Variants in SGF29 observed in about 807,000 individuals in gnomAD.
The protein encoded by SGF29 is SAGA-associated factor 29.
A neutral mutation model predicts 38.1 loss-of-function variants in SGF29; 15 were observed. That is an observed-to-expected ratio of 0.39 (90% CI 0.26 to 0.61). The LOEUF (loss-of-function observed/expected upper bound fraction) is 0.61. Among genes scored for constraint, SGF29 ranks in the 20% least tolerant of loss-of-function variants. The probability of loss-of-function intolerance (pLI) is 0.49; values close to 1 mark genes in which losing one functional copy is unlikely to be tolerated. For synonymous variants in SGF29, 151 were observed against 160.8 expected (o/e 0.94, Z 0.46); for missense variants, 184 against 394.6 (o/e 0.47, Z 4.52).
intron 2 of SGF29, among the ~76,000 whole-genome samples, chr16:28,583,021 C>T (rs992255310): frequency 6.6e-6 from 1 of 152,226 alleles, no homozygotes; most frequent in African/African-American, 2.4e-5. Context: ...TATCATCATC[C>T]CATACAACCA....
At chr16:28,576,688 A>G (rs1420885976) in intron 1 of SGF29, among the ~76,000 whole-genome samples, 2 of 152,182 alleles carry the variant, frequency 1.3e-5, no homozygotes, top group East Asian at 3.8e-4. Context: ...CAACAAGGCT[A>G]GAATCTGTCC....
In SGF29 at chr16:28,585,211, G is replaced by A. The variant is rs1394588173; in HGVS notation, c.151+223G>A. The A allele has an allele frequency of 5.5e-6, 3 of 549,940 alleles. No individual in the cohort carries two copies. In the Admixed American group the frequency reaches 1.0e-4, roughly 18 times the overall value. 34.1% of individuals were successfully genotyped at this position (549,940 alleles called of 1,614,324 possible). A position where few individuals can be genotyped will look rare whatever the true frequency, so the allele number is the denominator to read the frequency against. ...AGGCAGTGAAATGAGGCTGTATCTA[G>A]GGAAGCTTGCCCTTAGAGCACACAA... is the stretch of plus-strand genomic sequence containing the variant. On this transcript the variant is annotated intron_variant, in intron 3 of 9. Transcript: ENST00000317058.
chr16:28,584,863 A>G, intron 2 of SGF29, 50 bp from the exon 3 acceptor site: 1 of 1,396,028 alleles, frequency 7.2e-7, no homozygotes, highest in South Asian at 1.2e-5. Context: ...GCAGGGTACC[A>G]CAGCAGCACA....
intron 1 of SGF29, among the ~76,000 whole-genome samples, chr16:28,566,188 G>A (rs1402138803): frequency 1.3e-5 from 2 of 151,668 alleles, no homozygotes; most frequent in African/African-American, 4.8e-5. Flanking sequence ...GTGGGAGAAT[G>A]GCATGAACCC....
At chr16:28,587,063 C>G (rs1430017499) in intron 4 of SGF29, among the ~76,000 whole-genome samples, 1 of 152,154 alleles carries the variant, frequency 6.6e-6, no homozygotes, top group African/African-American at 2.4e-5. Context: ...CCAGGCTGGT[C>G]TTGAACTCCT....
At chr16:28,564,666 C>CAT (rs67540615) in intron 1 of SGF29, among the ~76,000 whole-genome samples, 2 of 61,610 alleles carry the variant, frequency 3.2e-5, no homozygotes, top group Admixed American at 2.2e-4. Flanking sequence ...TATATATATG[C>CAT]ATATATATGT....
At chr16:28,557,067 A>G (rs1320736276) in intron 1 of SGF29, among the ~76,000 whole-genome samples, 3 of 152,172 alleles carry the variant, frequency 2.0e-5, no homozygotes, top group Non-Finnish European at 2.9e-5. Flanking sequence ...TGTGGGATTA[A>G]TCTTAGAGTG....
At chr16:28,555,390 C>A (rs996325617) in intron 1 of SGF29, among the ~76,000 whole-genome samples, 1 of 152,074 alleles carries the variant, frequency 6.6e-6, no homozygotes, top group Admixed American at 6.6e-5. Flanking sequence ...GCACAATAAT[C>A]ACTTAAACCC....
intron 1 of SGF29, among the ~76,000 whole-genome samples, chr16:28,561,899 CAGA>C (rs1296975184): frequency 3.3e-5 from 5 of 152,180 alleles, no homozygotes; most frequent in African/African-American, 9.7e-5. Context: ...CATTTGTTCT[CAGA>C]AGGTCACAGA....
rs183820810 is a variant in SGF29 at position 28,561,202 on chromosome 16, G to A, written c.-16+7105G>A. Among the ~76,000 whole-genome samples the A allele has an allele frequency of 1.8e-3, 276 of 152,068 alleles. 1 individual carries two copies. The highest frequency in any genetic ancestry group is 3.4e-3 in the Middle Eastern group (1 of 294). ...AGCCCAGGAGTTAAAGACCAGCCTGGGCAACATAGTGAGACCCCATCTCTA... is the reference window on the plus strand; with the variant it reads ...AGCCCAGGAGTTAAAGACCAGCCTGAGCAACATAGTGAGACCCCATCTCTA... On this transcript the variant is annotated intron_variant, in intron 1 of 9. Coordinates refer to ENST00000317058, the MANE Select transcript of SGF29 (RefSeq NM_138414.3).
chr16:28,564,624 CATAT>C (rs1261090220), intron 1 of SGF29, among the ~76,000 whole-genome samples: 8 of 98,758 alleles, frequency 8.1e-5, no homozygotes, highest in African/African-American at 1.5e-4. Context: ...TACATATATG[CATAT>C]ATATACGTAT....
At position 28,590,080 on chromosome 16, in the gene SGF29, C is replaced by G; in HGVS notation, c.290-16C>G. 1.9e-6 allele frequency: 3 copies of G among 1,607,434 alleles called. No homozygotes were observed. The highest frequency in any genetic ancestry group is 1.3e-5 in the African/African-American group (1 of 75,010). On this transcript the variant is annotated splice_polypyrimidine_tract_variant and intron_variant, in intron 5 of 9. Transcript: ENST00000317058. The surrounding 1 kb of genome is among the most constrained non-coding windows in gnomAD (Gnocchi z 8.2). The stretch of plus-strand genomic sequence containing the variant: ...CACCTATCCCTGGGGCCTCAGGCCT[C>G]CCTTCCTTCCCACAGCGGCCAAGAT...
At chr16:28,584,512 G>A (rs528831809) in intron 2 of SGF29, among the ~76,000 whole-genome samples, 19 of 151,008 alleles carry the variant, frequency 1.3e-4, no homozygotes, top group South Asian at 4.2e-4. Context: ...AAATTAGGCC[G>A]GGCGCATTGG....
intron 1 of SGF29, among the ~76,000 whole-genome samples, chr16:28,561,360 C>T (rs1333148492): frequency 2.0e-5 from 3 of 152,146 alleles, no homozygotes; most frequent in African/African-American, 7.2e-5. Context: ...TGGTTAAACC[C>T]TGTCTCTACT....
At chr16:28,570,769 G>A (rs541860852) in intron 1 of SGF29, among the ~76,000 whole-genome samples, 1 of 151,850 alleles carries the variant, frequency 6.6e-6, no homozygotes, top group East Asian at 1.9e-4. Flanking sequence ...GTAGAGACAG[G>A]GTTTCACCAT....
chr16:28,563,947 A>G (rs1199938468), intron 1 of SGF29, among the ~76,000 whole-genome samples: 2 of 152,076 alleles, frequency 1.3e-5, no homozygotes, highest in African/African-American at 2.4e-5. Flanking sequence ...GGGTTTTGCC[A>G]TGTTGGCCAG....
chr16:28,580,689 C>A (rs976800267), intron 1 of SGF29, among the ~76,000 whole-genome samples: 1 of 152,174 alleles, frequency 6.6e-6, no homozygotes, highest in African/African-American at 2.4e-5. Context: ...TTTATTATTA[C>A]TATCTTTTAA....
chr16:28,573,803 G>A (rs1240317703), intron 1 of SGF29, among the ~76,000 whole-genome samples: 1 of 152,108 alleles, frequency 6.6e-6, no homozygotes, highest in African/African-American at 2.4e-5. Flanking sequence ...TCAGCTAATA[G>A]GACCCAGGCC....
chr16:28,591,729 C>T lies in SGF29; in HGVS notation c.*23C>T, dbSNP rs1181760959. On this transcript the variant is annotated 3_prime_UTR_variant, in exon 10 of 10. Coordinates refer to ENST00000317058, the MANE Select transcript of SGF29 (RefSeq NM_138414.3). ...TGATGCCGCCTGGCAGACTCGCCAT[C>T]CCCCAACGACACAGGGCAGGACAGC... 1 of 1,548,550 alleles carries T rather than the reference C, an allele frequency of 6.5e-7. No individual in the cohort carries two copies. The highest frequency in any genetic ancestry group is 1.4e-5 in the African/African-American group (1 of 73,740).
Sources: gnomAD v4.1 joint callset for allele counts (sites outside exome capture counted in the v4.1 genomes callset) on GRCh38, gnomAD v4.1.1 for gene constraint, Gnocchi (gnomAD v3.1) non-coding constraint, MANE v1.5 for transcripts, NCBI Gene and HGNC (gene_info 2026-07-23, HGNC 2026-07-21) for gene names.